The following EPHA7 variants were observed in gnomAD, a reference collection of about 807,000 sequenced individuals.
The protein encoded by EPHA7 is EPH receptor A7.
EPHA7 carries 25 observed loss-of-function variants against 112.6 expected under a neutral mutation model. The ratio of observed to expected loss-of-function variants is 0.22; its 90% CI spans 0.16 to 0.31. The LOEUF (loss-of-function observed/expected upper bound fraction) is 0.31. Among genes scored for constraint, EPHA7 ranks in the 10% least tolerant of loss-of-function variants. EPHA7 has a pLI of 1.00. For synonymous variants in EPHA7, 437 were observed against 406.5 expected, an observed-to-expected ratio of 1.07 and a Z score of -0.90; for missense variants, 962 against 1,212.6, an observed-to-expected ratio of 0.79 and a Z score of 3.07.
chr6:93,408,260 C>T (rs555924025), intron 3 of EPHA7, among the ~76,000 whole-genome samples: 7 of 151,998 alleles, frequency 4.6e-5, no homozygotes, highest in Non-Finnish European at 1.0e-4. Context: ...GAAACTGCTC[C>T]TTTCATAGCT....
At chr6:93,414,651 C>G in intron 2 of EPHA7, 52 bp downstream of exon 2, 1 of 1,385,906 alleles carries the variant, frequency 7.2e-7, no homozygotes, top group Non-Finnish European at 1.0e-6. Context: ...GGAAGGGAAA[C>G]GTTTTGTTTC....
chr6:93,392,998 C>A (rs1314732517), intron 3 of EPHA7, among the ~76,000 whole-genome samples: 1 of 151,718 alleles, frequency 6.6e-6, no homozygotes, highest in Non-Finnish European at 1.5e-5. Flanking sequence ...TTACTTTTCA[C>A]AGGATCATGA....
At chr6:93,318,109 T>C (rs771254865) in intron 5 of EPHA7, among the ~76,000 whole-genome samples, 1 of 152,220 alleles carries the variant, frequency 6.6e-6, no homozygotes, top group Non-Finnish European at 1.5e-5. Flanking sequence ...TGTACTCCTA[T>C]GTGTTAACAT....
intron 3 of EPHA7, among the ~76,000 whole-genome samples, chr6:93,404,592 T>C (rs151203859): frequency 0.038 from 5,684 of 150,104 alleles, 187 homozygotes; most frequent in East Asian, 0.16. Context: ...TATATAACCA[T>C]ATATATGTAT....
In EPHA7 at chr6:93,257,525, TA is replaced by T; in HGVS notation, c.2111-3del. 6.2e-7 allele frequency: 1 copy of T among 1,603,448 alleles called. No homozygotes were observed. Reference sequence around the variant, plus strand: ...CTATTACTATCATGACTGGTTTCCCTAAAATTAAAAAAAAAAAGTTTCAGGA... The same window carrying T: ...CTATTACTATCATGACTGGTTTCCCTAAATTAAAAAAAAAAAGTTTCAGGA... On this transcript the variant is annotated splice_region_variant and splice_polypyrimidine_tract_variant and intron_variant, in intron 11 of 16. Transcript: ENST00000369303.
chr6:93,336,310 CAT>C (rs570966131), intron 5 of EPHA7, among the ~76,000 whole-genome samples: 70 of 152,248 alleles, frequency 4.6e-4, no homozygotes, highest in African/African-American at 1.7e-3. Context: ...CTTCATATCT[CAT>C]ATGTTACAAA....
At chr6:93,355,806 C>T (rs1775914576) in intron 5 of EPHA7, among the ~76,000 whole-genome samples, 1 of 152,176 alleles carries the variant, frequency 6.6e-6, no homozygotes, top group Non-Finnish European at 1.5e-5. Context: ...TACCTTTAGG[C>T]TAAGCTACAA....
chr6:93,359,924 TAGAC>T lies in EPHA7; in HGVS notation c.833-1517_833-1514del, dbSNP rs1361606689. ...AGATAGATAGATAGATAGATAGAGA[TAGAC>T]AGATAGATTTATACAGGGCTACAAC... On this transcript the variant is annotated intron_variant, in intron 3 of 16. Transcript: ENST00000369303. 3.5e-3 allele frequency among the ~76,000 whole-genome samples: 490 copies of T among 140,570 alleles called. 2 individuals carry two copies. Among genetic ancestry groups the T allele is most frequent in the African/African-American group, 0.012 (455 of 38,326 alleles). The allele number at this position is 140,570 out of a possible 152,430, so 92.2% of individuals were successfully genotyped here. A position where few individuals can be genotyped will look rare whatever the true frequency, so the allele number is the denominator to read the frequency against.
chr6:93,327,499 G>A (rs888759797), intron 5 of EPHA7, among the ~76,000 whole-genome samples: 2 of 151,600 alleles, frequency 1.3e-5, no homozygotes, highest in South Asian at 4.1e-4. Context: ...AGAGGCAACT[G>A]TAGCATCTTA....
chr6:93,375,522 G>A (rs1266324588), intron 3 of EPHA7, among the ~76,000 whole-genome samples: 2 of 151,818 alleles, frequency 1.3e-5, no homozygotes, highest in African/African-American at 4.8e-5. Flanking sequence ...AGAGGCTGAT[G>A]CAGGAGGATC....
chr6:93,357,398 G>A (rs1215112550), intron 4 of EPHA7, among the ~76,000 whole-genome samples: 1 of 152,134 alleles, frequency 6.6e-6, no homozygotes, highest in Non-Finnish European at 1.5e-5. Context: ...AAAAACAGCT[G>A]TGCAGTAGTT....
In EPHA7 at chr6:93,272,542, T is replaced by C. The variant is rs1192590005; in HGVS notation, c.1325-120A>G. On this transcript the variant is annotated intron_variant, in intron 5 of 16. Coordinates refer to ENST00000369303, the MANE Select transcript of EPHA7 (RefSeq NM_004440.4). ...TCATTAAGGTAAAAGAAAGCACCTT[T>C]TCATAGCTCACAATTCAGAAGCTAA... 6 of 1,154,066 alleles carry C rather than the reference T, an allele frequency of 5.2e-6. No homozygotes were observed. In the Admixed American group the frequency reaches 1.3e-4, roughly 26 times the overall value. The allele number at this position is 1,154,066 out of a possible 1,614,324, so 71.5% of individuals were successfully genotyped here.
intron 5 of EPHA7, among the ~76,000 whole-genome samples, chr6:93,306,794 A>G (rs1012359784): frequency 6.6e-6 from 1 of 151,982 alleles, no homozygotes; most frequent in African/African-American, 2.4e-5. Context: ...TATTTTCACT[A>G]TGCTACAATT....
At chr6:93,249,652 C>T (rs958440585) in intron 14 of EPHA7, among the ~76,000 whole-genome samples, 1 of 152,092 alleles carries the variant, frequency 6.6e-6, no homozygotes, top group Non-Finnish European at 1.5e-5. Flanking sequence ...CTCATTATTT[C>T]CCACCACCTC....
intron 5 of EPHA7, among the ~76,000 whole-genome samples, chr6:93,350,578 A>G (rs1012630672): frequency 6.6e-6 from 1 of 152,194 alleles, no homozygotes; most frequent in Admixed American, 6.6e-5. Context: ...CATACACAAC[A>G]AAATTGATGA....
intron 5 of EPHA7, among the ~76,000 whole-genome samples, chr6:93,329,412 T>C (rs1318472423): frequency 6.6e-6 from 1 of 151,460 alleles, no homozygotes; most frequent in East Asian, 1.9e-4. Context: ...AATGTAAATA[T>C]GAAAATACAA....
chr6:93,399,177 C>T (rs1190398573), intron 3 of EPHA7, among the ~76,000 whole-genome samples: 3 of 152,026 alleles, frequency 2.0e-5, no homozygotes, highest in East Asian at 1.9e-4. Context: ...TTTCTGATCA[C>T]GTAAGAGGTG....
intron 3 of EPHA7, among the ~76,000 whole-genome samples, chr6:93,376,813 C>T (rs998684543): frequency 6.6e-6 from 1 of 152,268 alleles, no homozygotes. Context: ...ACCCTCAAAA[C>T]ATAAATTAAT....
At chr6:93,307,355 T>C (rs1264689203) in intron 5 of EPHA7, among the ~76,000 whole-genome samples, 1 of 152,064 alleles carries the variant, frequency 6.6e-6, no homozygotes, top group Non-Finnish European at 1.5e-5. Context: ...TGTATTTAGG[T>C]AAAAGTTGTT....
Sources: allele counts gnomAD v4.1 joint callset (sites outside exome capture counted in the v4.1 genomes callset), GRCh38; gene constraint gnomAD v4.1.1; transcripts MANE v1.5; gene names NCBI Gene and HGNC (gene_info 2026-07-23, HGNC 2026-07-21).